The following AFAP1 variants were observed in gnomAD, a reference collection of about 807,000 sequenced individuals.
AFAP1 encodes actin filament associated protein 1.
Under a neutral mutation model 93.9 loss-of-function variants are expected in AFAP1, and 75 were observed. That is an observed-to-expected ratio of 0.80 (90% confidence interval 0.66 to 0.97). AFAP1 has a LOEUF of 0.97. AFAP1 is among the 50% of genes least tolerant of loss of function. The pLI is 0.00. For synonymous variants in AFAP1, 517 were observed against 430.7 expected, an observed-to-expected ratio of 1.20 and a Z score of -2.48; for missense variants, 1,201 against 1,050.8, an observed-to-expected ratio of 1.14 and a Z score of -1.98.
intron 1 of AFAP1, among the ~76,000 whole-genome samples, chr4:7,905,996 G>A (rs1719379942): frequency 6.6e-6 from 1 of 152,202 alleles, no homozygotes; most frequent in South Asian, 2.1e-4. Flanking sequence ...GGGGCCTGCT[G>A]AAATGCCCAT....
intron 1 of AFAP1, among the ~76,000 whole-genome samples, chr4:7,929,570 C>T (rs11942696): frequency 3.9e-5 from 6 of 152,152 alleles, no homozygotes; most frequent in Non-Finnish European, 7.3e-5. Flanking sequence ...TGCCTGCCCC[C>T]CTTCCTCCCT....
At chr4:7,935,788 G>C (rs1021921156) in intron 1 of AFAP1, among the ~76,000 whole-genome samples, 5 of 152,262 alleles carry the variant, frequency 3.3e-5, no homozygotes, top group Admixed American at 3.3e-4. Context: ...CCCGGCCAGG[G>C]CTAGAGAAAA....
intron 1 of AFAP1, among the ~76,000 whole-genome samples, chr4:7,931,988 G>C (rs564536639): frequency 4.5e-4 from 68 of 152,214 alleles, no homozygotes; most frequent in Non-Finnish European, 8.1e-4. Context: ...AGCCTCCTGA[G>C]TAGCTGGGAC....
rs375184823 is a variant in AFAP1, at chr4:7,801,301, G to A, written c.1055-648C>T. On this transcript the variant is annotated intron_variant, in intron 9 of 17. Transcript: ENST00000420658. ...TGCAAAGCGACGGGTGAAGCTGCCC[G>A]GAGGAAATCTAAACTCTAAAGTCTG... Among the ~76,000 whole-genome samples, 16 of 152,204 alleles carry A rather than the reference G, an allele frequency of 1.1e-4. No individual in the cohort carries two copies. In the East Asian group the frequency reaches 1.5e-3, roughly 15 times the overall value.
Position 7,838,524 on chromosome 4 carries a change from C to T in AFAP1, c.726G>A (p.Lys242=), listed in dbSNP as rs187421324. Residue 242 remains lysine, a splice_region_variant and synonymous_variant, in exon 6 of 18, where the codon AAG becomes AAA. Coordinates refer to ENST00000420658, the MANE Select transcript of AFAP1 (RefSeq NM_001134647.2). ...QSKEQAEQWL[K]VIKEAYSGCS... is the part of the protein sequence containing the mutation. ...CTGTGAAACACAGCAGACAACCTAC[C>T]TTCAGCCACTGCTCGGCCTGTTCCT... 14 of 1,612,110 alleles carry T rather than the reference C, an allele frequency of 8.7e-6. No individual in the cohort carries two copies. The Admixed American group carries it at 2.3e-4, about 27-fold the overall frequency.
intron 17 of AFAP1, among the ~76,000 whole-genome samples, chr4:7,765,308 C>T (rs766019319): frequency 6.6e-6 from 1 of 152,312 alleles, no homozygotes; most frequent in East Asian, 1.9e-4. Flanking sequence ...CCTGATGTCA[C>T]CTGGCCAGCC....
intron 6 of AFAP1, among the ~76,000 whole-genome samples, chr4:7,820,459 T>A (rs4234831): frequency 2.0e-5 from 3 of 152,170 alleles, no homozygotes; most frequent in East Asian, 1.9e-4. Context: ...GAGAAGGACC[T>A]GGAGCCCGTT....
intron 1 of AFAP1, among the ~76,000 whole-genome samples, chr4:7,902,518 T>C (rs962007266): frequency 1.3e-5 from 2 of 152,170 alleles, no homozygotes; most frequent in Admixed American, 6.5e-5. Context: ...TTTTTCCCCT[T>C]GTTCTAAAGT....
chr4:7,824,555 G>T (rs1156932723), intron 6 of AFAP1, among the ~76,000 whole-genome samples: 1 of 152,196 alleles, frequency 6.6e-6, no homozygotes, highest in African/African-American at 2.4e-5. Flanking sequence ...TCAAGCACTG[G>T]TTAAACACAG....
chr4:7,779,591 C>CT (rs1312922056), intron 13 of AFAP1, among the ~76,000 whole-genome samples: 2 of 152,226 alleles, frequency 1.3e-5, no homozygotes, highest in Admixed American at 6.5e-5. Context: ...CACGCCCACG[C>CT]TTTTTTCCAC....
intron 10 of AFAP1, among the ~76,000 whole-genome samples, chr4:7,797,263 G>C (rs1193586753): frequency 6.6e-6 from 1 of 152,194 alleles, no homozygotes; most frequent in Admixed American, 6.5e-5. Flanking sequence ...ATTAATGGAT[G>C]CTGGAACCAG....
At chr4:7,805,183 A>G (rs982766390) in intron 9 of AFAP1, among the ~76,000 whole-genome samples, 1 of 152,164 alleles carries the variant, frequency 6.6e-6, no homozygotes, top group African/African-American at 2.4e-5. Flanking sequence ...TTCCAGCTGC[A>G]TGCTACAGTG....
intron 17 of AFAP1, among the ~76,000 whole-genome samples, chr4:7,768,178 G>A (rs1214036620): frequency 1.3e-5 from 2 of 152,260 alleles, no homozygotes; most frequent in East Asian, 3.8e-4. Context: ...ACACTCCTGT[G>A]GCTCCCCAGC....
At chr4:7,885,451 C>G (rs918498001) in intron 1 of AFAP1, among the ~76,000 whole-genome samples, 2 of 152,156 alleles carry the variant, frequency 1.3e-5, no homozygotes, top group Non-Finnish European at 2.9e-5. Flanking sequence ...AGCTGCGTCT[C>G]CCCCGCCTCA....
chr4:7,834,472 G>C (rs4487339), intron 6 of AFAP1, among the ~76,000 whole-genome samples: 4 of 152,182 alleles, frequency 2.6e-5, no homozygotes, highest in African/African-American at 9.7e-5. Flanking sequence ...ACTTACTCAT[G>C]TCACCAAACA....
chr4:7,790,978 T>C (rs1717813827), intron 11 of AFAP1, among the ~76,000 whole-genome samples: 1 of 152,176 alleles, frequency 6.6e-6, no homozygotes. Flanking sequence ...ATGGGCCAAG[T>C]TATCTTCACT....
chr4:7,868,975 AAAAAGAAAAAAG>A (rs1414645735), intron 2 of AFAP1, among the ~76,000 whole-genome samples: 2 of 150,738 alleles, frequency 1.3e-5, no homozygotes, highest in Admixed American at 1.3e-4. Context: ...AGAGAAAAGA[AAAAAGAAAAAAG>A]AAAAGAAAAG....
At chr4:7,775,482 A>G (rs1012206157) in intron 14 of AFAP1, 2 of 152,656 alleles carry the variant, frequency 1.3e-5, no homozygotes, top group African/African-American at 4.8e-5. Flanking sequence ...TTCCTTCTCT[A>G]CGTCTTCAAA....
intron 16 of AFAP1, among the ~76,000 whole-genome samples, chr4:7,770,959 C>G (rs1197731638): frequency 6.6e-6 from 1 of 152,240 alleles, no homozygotes; most frequent in East Asian, 1.9e-4. Context: ...TCTCACTGCA[C>G]CTGACCCCAC....
Sources: allele counts gnomAD v4.1 joint callset (sites outside exome capture counted in the v4.1 genomes callset), GRCh38; gene constraint gnomAD v4.1.1; transcripts MANE v1.5; gene names NCBI Gene and HGNC (gene_info 2026-07-23, HGNC 2026-07-21).